The following NCAM1 variants were observed in gnomAD, a reference collection of about 807,000 sequenced individuals.
The protein encoded by NCAM1 is neural cell adhesion molecule 1, also known as antigen recognized by monoclonal antibody 5.1H11.
In NCAM1, 14 loss-of-function variants were observed where a neutral mutation model predicts 109.8. The observed-to-expected ratio is 0.13, with a 90% CI of 0.08 to 0.20. NCAM1 has a LOEUF of 0.20. NCAM1 is among the 10% of genes least tolerant of loss of function. The pLI is 1.00. For synonymous variants in NCAM1, 418 were observed against 442.9 expected, an observed-to-expected ratio of 0.94 and a Z score of 0.70; for missense variants, 774 against 1,109.9, an observed-to-expected ratio of 0.70 and a Z score of 4.30.
intron 1 of NCAM1, among the ~76,000 whole-genome samples, chr11:113,017,833 CCAATATTA>C (rs1164761040): frequency 6.6e-6 from 1 of 152,002 alleles, no homozygotes; most frequent in Non-Finnish European, 1.5e-5. Context: ...TGAAAAGTTC[CCAATATTA>C]CAATATTTGA....
In NCAM1 at chr11:113,005,865, A is replaced by G. The variant is rs144969026; in HGVS notation, c.52+44201A>G. On this transcript the variant is annotated intron_variant, in intron 1 of 19. Transcript: ENST00000316851. ...TATCCTTTAAGAGTGTCATTCAACA[A>G]TGATGGCTTATTTCAATTTGGTTAT... 3.7e-3 allele frequency among the ~76,000 whole-genome samples: 566 copies of G among 152,368 alleles called. 5 individuals carry two copies. Among genetic ancestry groups the G allele is most frequent in the African/African-American group, 0.013 (548 of 41,596 alleles).
In NCAM1 at chr11:113,275,278, T is replaced by C. The variant is rs1946378636; in HGVS notation, c.2468T>C (p.Val823Ala). The C allele has an allele frequency of 4.3e-6, 7 of 1,613,524 alleles. No individual in the cohort carries two copies. The highest frequency in any genetic ancestry group is 3.3e-4 in the Middle Eastern group (2 of 6,060). The change falls in exon 20 of 20, where the codon GTA becomes GCA. Residue 823 changes from valine (V) to alanine (A), a missense_variant. Transcript: ENST00000316851. ...TPLTEPEKGP[V>A]EAKPECQETE... Reference sequence around the variant, plus strand: ...CTGATTCTCTGCAGGAAGGGCCCCGTAGAAGCAAAGCCAGAGTGCCAGGAG... The same window carrying C: ...CTGATTCTCTGCAGGAAGGGCCCCGCAGAAGCAAAGCCAGAGTGCCAGGAG...
chr11:113,122,835 C>G (rs1941025200), intron 1 of NCAM1, among the ~76,000 whole-genome samples: 1 of 152,114 alleles, frequency 6.6e-6, no homozygotes, highest in African/African-American at 2.4e-5. Flanking sequence ...GTTTAAAGCA[C>G]CATTCTCATA....
intron 1 of NCAM1, among the ~76,000 whole-genome samples, chr11:113,200,385 C>T (rs782293695): frequency 1.2e-4 from 19 of 152,178 alleles, no homozygotes; most frequent in Non-Finnish European, 1.9e-4. Flanking sequence ...CCCCAAGATA[C>T]GATGGGCCCT....
chr11:113,157,896 C>G (rs1036586915), intron 1 of NCAM1, among the ~76,000 whole-genome samples: 2 of 151,638 alleles, frequency 1.3e-5, no homozygotes, highest in Non-Finnish European at 2.9e-5. Flanking sequence ...TGAAGAAAAT[C>G]CAGCCTCACA....
chr11:112,966,676 T>C (rs948040), intron 1 of NCAM1, among the ~76,000 whole-genome samples: 151,691 of 152,356 alleles, frequency 1, 75,520 homozygotes, highest in Middle Eastern at 1. Context: ...CCATTATGCC[T>C]TTTCATTTCA....
chr11:113,240,104 G>C (rs1013690749), intron 14 of NCAM1, among the ~76,000 whole-genome samples: 1 of 152,162 alleles, frequency 6.6e-6, no homozygotes, highest in African/African-American at 2.4e-5. Context: ...CTATTCCCTG[G>C]AGGAGTGAGA....
chr11:113,104,311 C>G (rs1940046463), intron 1 of NCAM1, among the ~76,000 whole-genome samples: 1 of 150,950 alleles, frequency 6.6e-6, no homozygotes, highest in Admixed American at 6.6e-5. Flanking sequence ...TTATACTGCC[C>G]TACTACAAGG....
intron 1 of NCAM1, among the ~76,000 whole-genome samples, chr11:113,105,706 A>AT (rs1555092412): frequency 6.6e-6 from 1 of 152,252 alleles, no homozygotes; most frequent in Non-Finnish European, 1.5e-5. Flanking sequence ...TGAGATGTCC[A>AT]TAATAGGCTA....
chr11:113,192,864 G>A (rs1056608105), intron 1 of NCAM1, among the ~76,000 whole-genome samples: 12 of 152,144 alleles, frequency 7.9e-5, no homozygotes, highest in Non-Finnish European at 1.5e-4. Context: ...TCCTTTGTTA[G>A]TAAATGGCTC....
At chr11:113,143,796 G>A (rs1941918031) in intron 1 of NCAM1, among the ~76,000 whole-genome samples, 1 of 152,128 alleles carries the variant, frequency 6.6e-6, no homozygotes, top group African/African-American at 2.4e-5. Context: ...ACCAGAAACT[G>A]TTCAGAGGAA....
intron 2 of NCAM1, among the ~76,000 whole-genome samples, chr11:113,202,883 A>T (rs1467462463): frequency 6.6e-6 from 1 of 152,148 alleles, no homozygotes; most frequent in Non-Finnish European, 1.5e-5. Context: ...CTAAGTCTAA[A>T]ACTTGCCTGT....
intron 14 of NCAM1, chr11:113,242,702 A>G: frequency 2.0e-6 from 2 of 978,858 alleles, no homozygotes; most frequent in Non-Finnish European, 3.3e-6. Context: ...TATGTATAAT[A>G]TATACTCACC....
At chr11:113,211,900 A>G (rs782659691) in intron 7 of NCAM1, among the ~76,000 whole-genome samples, 17 of 152,226 alleles carry the variant, frequency 1.1e-4, no homozygotes, top group Non-Finnish European at 2.9e-5. Context: ...GGAAAGGTGC[A>G]GTGGAACAGT....
At position 113,248,650 on chromosome 11, in the gene NCAM1, G is replaced by A. The variant is rs45562939; in HGVS notation, c.1828+2280G>A. Among the ~76,000 whole-genome samples the A allele has an allele frequency of 3.6e-4, 54 of 149,084 alleles. No individual in the cohort carries two copies. In the South Asian group the frequency reaches 5.4e-3, roughly 15 times the overall value. The stretch of plus-strand genomic sequence containing the variant: ...TCCACCTTGTACCCCCTCAAAAAAA[G>A]AAAACTGCCTGGGATATGCATAACC... On this transcript the variant is annotated intron_variant, in intron 15 of 19. Coordinates refer to ENST00000316851, the MANE Select transcript of NCAM1 (RefSeq NM_181351.5).
chr11:112,970,913 T>C (rs933518144), intron 1 of NCAM1, among the ~76,000 whole-genome samples: 7 of 152,074 alleles, frequency 4.6e-5, no homozygotes, highest in Admixed American at 2.0e-4. Context: ...AAATGGTAGA[T>C]GACTGAGAGG....
chr11:113,116,833 C>G (rs1043172049), intron 1 of NCAM1, among the ~76,000 whole-genome samples: 1 of 151,726 alleles, frequency 6.6e-6, no homozygotes, highest in Non-Finnish European at 1.5e-5. Flanking sequence ...GGAAAGGGTC[C>G]AAAGAGTAGA....
At chr11:113,105,147 G>A (rs782204322) in intron 1 of NCAM1, among the ~76,000 whole-genome samples, 4 of 152,220 alleles carry the variant, frequency 2.6e-5, no homozygotes, top group Non-Finnish European at 5.9e-5. Flanking sequence ...AGGCTTGTGG[G>A]TGGGATGTAC....
At chr11:113,079,148 G>A (rs1166993820) in intron 1 of NCAM1, among the ~76,000 whole-genome samples, 2 of 152,186 alleles carry the variant, frequency 1.3e-5, no homozygotes, top group African/African-American at 4.8e-5. Flanking sequence ...CTGTGATTTT[G>A]TGTTTCCTAT....
Sources: allele counts gnomAD v4.1 joint callset (sites outside exome capture counted in the v4.1 genomes callset), GRCh38; gene constraint gnomAD v4.1.1; transcripts MANE v1.5; gene names NCBI Gene and HGNC (gene_info 2026-07-23, HGNC 2026-07-21).